DPYD: variants seen among roughly 807,000 people sequenced by gnomAD.
DPYD encodes the protein dihydropyrimidine dehydrogenase [NADP(+)].
Under a neutral mutation model 116.2 loss-of-function variants are expected in DPYD, and 109 were observed. That is an observed-to-expected ratio of 0.94 (90% CI 0.80 to 1.10). DPYD has a LOEUF of 1.10. Ranked by LOEUF, DPYD falls within the 50% of genes least tolerant of loss-of-function variation. DPYD has a pLI of 0.00. For missense variants in DPYD, 1,302 were observed against 1,254.5 expected (o/e 1.04, Z -0.57); for synonymous variants, 440 against 432.0 (o/e 1.02, Z -0.23).
rs1161603989 is a variant in DPYD, at chr1:97,314,493, T to TTC, written c.2059-8197_2059-8196insGA. ...TCCACTTAGTCGCTAAAGCTTTCTT[T>TTC]TTTTTTTTTTTTTTTTTTACAAATG... On this transcript the variant is annotated intron_variant, in intron 16 of 22. Transcript: ENST00000370192. Among the ~76,000 whole-genome samples the TTC allele has an allele frequency of 2.2e-3, 321 of 144,876 alleles. 3 individuals carry two copies. Among genetic ancestry groups the TTC allele is most frequent in the Non-Finnish European group, 3.6e-3 (241 of 66,370 alleles).
chr1:97,423,706 C>T (rs1205318141), intron 14 of DPYD, among the ~76,000 whole-genome samples: 1 of 152,104 alleles, frequency 6.6e-6, no homozygotes, highest in Non-Finnish European at 1.5e-5. Flanking sequence ...TGCATTCAGA[C>T]AATTGAATCA....
chr1:97,146,534 T>C (rs1259790146), intron 20 of DPYD, among the ~76,000 whole-genome samples: 1 of 152,244 alleles, frequency 6.6e-6, no homozygotes, highest in Admixed American at 6.5e-5. Flanking sequence ...TTTGTTTGTT[T>C]GTCTGTTCTG....
chr1:97,863,703 TAA>T (rs991861097), intron 2 of DPYD, among the ~76,000 whole-genome samples: 84 of 151,982 alleles, frequency 5.5e-4, no homozygotes, highest in African/African-American at 1.9e-3. Context: ...ATTATAACGC[TAA>T]GTTACAATGT....
chr1:97,864,745 A>C (rs7553943), intron 2 of DPYD, among the ~76,000 whole-genome samples: 148,186 of 151,892 alleles, frequency 0.98, 72,404 homozygotes, highest in Middle Eastern at 1. Context: ...AAGGAAACAC[A>C]TGGAAATATG....
Position 97,504,647 on chromosome 1 carries a change from T to C in DPYD, c.1740+11079A>G, listed in dbSNP as rs547369449. 1.6e-4 allele frequency among the ~76,000 whole-genome samples: 24 copies of C among 152,086 alleles called. No individual in the cohort carries two copies. In the South Asian group the frequency reaches 4.6e-3, roughly 29 times the overall value. On this transcript the variant is annotated intron_variant, in intron 13 of 22. Transcript: ENST00000370192. ...AGATAAACGTTAGTCTAAACAAAAG[T>C]ATGTCTCCTAAAGAGGAATATTATA...
At chr1:97,633,089 T>C (rs1305971966) in intron 8 of DPYD, among the ~76,000 whole-genome samples, 1 of 152,124 alleles carries the variant, frequency 6.6e-6, no homozygotes, top group Non-Finnish European at 1.5e-5. Context: ...TCACATGCTA[T>C]TGATTAAAAG....
At chr1:97,476,869 A>G (rs1403116963) in intron 13 of DPYD, among the ~76,000 whole-genome samples, 1 of 152,218 alleles carries the variant, frequency 6.6e-6, no homozygotes, top group Non-Finnish European at 1.5e-5. Flanking sequence ...CCAGTGTATA[A>G]AATATATACA....
chr1:97,479,844 C>T (rs928247310), intron 13 of DPYD, among the ~76,000 whole-genome samples: 2 of 152,134 alleles, frequency 1.3e-5, no homozygotes, highest in Non-Finnish European at 2.9e-5. Context: ...ACATCCATTC[C>T]TATATTTGTT....
chr1:97,668,459 A>G (rs1409809517), intron 8 of DPYD, among the ~76,000 whole-genome samples: 3 of 152,140 alleles, frequency 2.0e-5, no homozygotes, highest in South Asian at 2.1e-4. Context: ...TAGCTATTCT[A>G]TTTATTATAT....
At chr1:97,389,258 A>G (rs913146296) in intron 14 of DPYD, among the ~76,000 whole-genome samples, 5 of 151,082 alleles carry the variant, frequency 3.3e-5, no homozygotes, top group South Asian at 2.1e-4. Context: ...TCAGTGAGCC[A>G]TGATTGTACC....
chr1:97,192,872 T>C (rs566771693), intron 20 of DPYD, among the ~76,000 whole-genome samples, 197 bp downstream of exon 20: 32 of 152,302 alleles, frequency 2.1e-4, no homozygotes, highest in African/African-American at 7.2e-4. Flanking sequence ...TTGTGTTGTA[T>C]TGGTTTATAA....
At chr1:97,398,392 T>C (rs546855871) in intron 14 of DPYD, among the ~76,000 whole-genome samples, 60 of 152,326 alleles carry the variant, frequency 3.9e-4, no homozygotes, top group Middle Eastern at 3.4e-3. Flanking sequence ...TTGTGAATAG[T>C]GCCACATTAA....
chr1:97,527,513 C>G (rs775842773), intron 12 of DPYD, among the ~76,000 whole-genome samples: 2 of 151,894 alleles, frequency 1.3e-5, no homozygotes, highest in Non-Finnish European at 2.9e-5. Flanking sequence ...AAAATCTTAT[C>G]AAAAATAAAA....
Position 97,235,012 on chromosome 1 carries a change from A to C in DPYD, c.2300-18T>G. On this transcript the variant is annotated intron_variant, in intron 18 of 22. Transcript: ENST00000370192. ...TGCTGTCCCTACACAAAATCAGAATAATCAATGGTTAGCACACTGACCACT... is the reference window on the plus strand; with the variant it reads ...TGCTGTCCCTACACAAAATCAGAATCATCAATGGTTAGCACACTGACCACT... 1 of 1,614,106 alleles carries C rather than the reference A, an allele frequency of 6.2e-7. No homozygotes were observed. Among genetic ancestry groups the C allele is most frequent in the Non-Finnish European group, 8.5e-7 (1 of 1,179,990 alleles).
intron 20 of DPYD, among the ~76,000 whole-genome samples, chr1:97,128,981 G>A (rs912984577): frequency 5.9e-5 from 9 of 151,932 alleles, no homozygotes; most frequent in South Asian, 4.2e-4. Context: ...TGTCCAAGCC[G>A]GAGCTTGCAA....
chr1:97,126,998 G>C (rs1652893708), intron 20 of DPYD, among the ~76,000 whole-genome samples: 1 of 152,146 alleles, frequency 6.6e-6, no homozygotes, highest in African/African-American at 2.4e-5. Flanking sequence ...GGAACCCAAA[G>C]ATAAATAGTA....
At position 97,880,573 on chromosome 1, in the gene DPYD, T is replaced by C. The variant is rs183202138; in HGVS notation, c.150+2691A>G. Reference sequence around the variant, plus strand: ...TGAATGTCACAGAGAGTCTTCAAACTAACAGACATCAGTGCAATAAATCTG... The same window carrying C: ...TGAATGTCACAGAGAGTCTTCAAACCAACAGACATCAGTGCAATAAATCTG... On this transcript the variant is annotated intron_variant, in intron 2 of 22. Coordinates refer to ENST00000370192, the MANE Select transcript of DPYD (RefSeq NM_000110.4). Among the ~76,000 whole-genome samples the C allele has an allele frequency of 9.5e-4, 145 of 151,944 alleles. 3 individuals carry two copies. Among genetic ancestry groups the C allele is most frequent in the African/African-American group, 3.4e-3 (142 of 41,504 alleles).
chr1:97,631,167 G>T (rs1657236252), intron 8 of DPYD, among the ~76,000 whole-genome samples: 1 of 152,044 alleles, frequency 6.6e-6, no homozygotes. Context: ...TGTCTGAGCT[G>T]CCCCAGTGAC....
intron 8 of DPYD, among the ~76,000 whole-genome samples, chr1:97,609,834 T>C (rs1287440551): frequency 1.3e-5 from 2 of 151,982 alleles, no homozygotes; most frequent in South Asian, 2.1e-4. Context: ...GAAAAAAATA[T>C]GCTTTAAAGA....
Sources: allele counts gnomAD v4.1 joint callset (sites outside exome capture counted in the v4.1 genomes callset), GRCh38; gene constraint gnomAD v4.1.1; transcripts MANE v1.5; gene names NCBI Gene and HGNC (gene_info 2026-07-23, HGNC 2026-07-21).